NCAM2: variants seen among roughly 807,000 people sequenced by gnomAD.
NCAM2 encodes N-CAM-2.
A neutral mutation model predicts 98.1 loss-of-function variants in NCAM2; 30 were observed. The ratio of observed to expected loss-of-function variants is 0.31; its 90% CI spans 0.23 to 0.41. NCAM2 has a LOEUF of 0.41. NCAM2 is among the 10% of genes least tolerant of loss of function. The pLI is 1.00. For missense variants in NCAM2, 867 were observed against 1,005.8 expected (o/e 0.86, Z 1.87); for synonymous variants, 368 against 342.4 (o/e 1.07, Z -0.83).
At chr21:21,228,257 G>A (rs1195661397) in intron 1 of NCAM2, among the ~76,000 whole-genome samples, 1 of 151,450 alleles carries the variant, frequency 6.6e-6, no homozygotes, top group South Asian at 2.1e-4. Flanking sequence ...TGCTAGAGGG[G>A]CTGTCAGATT....
chr21:21,538,021 C>A lies in NCAM2; in HGVS notation c.*64C>A. ...TATTTGGATTGCGTGACCCTATGAC[C>A]AAAACTATTCCATTGACCTTAATTT... On this transcript the variant is annotated 3_prime_UTR_variant, in exon 18 of 18. Coordinates refer to ENST00000400546, the MANE Select transcript of NCAM2 (RefSeq NM_004540.5). 1 of 880,136 alleles carries A rather than the reference C, an allele frequency of 1.1e-6. No homozygotes were observed. Among genetic ancestry groups the A allele is most frequent in the Non-Finnish European group, 1.7e-6 (1 of 589,430 alleles). The allele number at this position is 880,136 out of a possible 1,614,324, so 54.5% of individuals were successfully genotyped here. A position where few individuals can be genotyped will look rare whatever the true frequency, so the allele number is the denominator to read the frequency against.
chr21:21,178,907 A>G (rs543629435), intron 1 of NCAM2, among the ~76,000 whole-genome samples: 71 of 152,218 alleles, frequency 4.7e-4, no homozygotes, highest in African/African-American at 1.7e-3. Context: ...ATATTTGCAT[A>G]GTACACGGTG....
chr21:21,521,733 CAAAT>C (rs1330871741), intron 16 of NCAM2, among the ~76,000 whole-genome samples: 2 of 151,606 alleles, frequency 1.3e-5, no homozygotes, highest in East Asian at 3.9e-4. Flanking sequence ...CTCAAACAAA[CAAAT>C]AAACTAACAA....
In NCAM2 at chr21:21,300,087, C is replaced by A. The variant is rs1266964995; in HGVS notation, c.619+7846C>A. On this transcript the variant is annotated intron_variant, in intron 5 of 17. Transcript: ENST00000400546. ...TTTTTAAAAATATTTTTGATCCCTG[C>A]TTCGTTGAGTCCTCAGATGCAGAAC... 2.0e-5 allele frequency among the ~76,000 whole-genome samples: 3 copies of A among 151,924 alleles called. No individual in the cohort carries two copies. The East Asian group carries it at 5.8e-4, about 30-fold the overall frequency.
chr21:21,531,120 A>T (rs1310911689), intron 16 of NCAM2, among the ~76,000 whole-genome samples: 1 of 152,020 alleles, frequency 6.6e-6, no homozygotes, highest in South Asian at 2.1e-4. Context: ...ACACACTTTC[A>T]TAGAGTTATT....
At position 20,998,483 on chromosome 21, in the gene NCAM2, G is replaced by A; in HGVS notation, c.-81G>A. On this transcript the variant is annotated 5_prime_UTR_variant, in exon 1 of 18. Transcript: ENST00000400546. ...AGCGGCGGCGGCGGCTCTAGCAGAG[G>A]CGGCCGGGGCAGCGAAAGGTTCTCT... 1.4e-6 allele frequency: 2 copies of A among 1,443,118 alleles called. No homozygotes were observed. The highest frequency in any genetic ancestry group is 1.9e-6 in the Non-Finnish European group (2 of 1,051,158). The allele number at this position is 1,443,118 out of a possible 1,614,324, so 89.4% of individuals were successfully genotyped here. A position where few individuals can be genotyped will look rare whatever the true frequency, so the allele number is the denominator to read the frequency against.
chr21:21,487,933 A>G (rs1986528342), intron 15 of NCAM2, among the ~76,000 whole-genome samples: 1 of 152,122 alleles, frequency 6.6e-6, no homozygotes, highest in Admixed American at 6.5e-5. Context: ...GGTCATTAGG[A>G]CGGACTAAGT....
At chr21:21,227,445 C>A (rs943978313) in intron 1 of NCAM2, among the ~76,000 whole-genome samples, 11 of 151,578 alleles carry the variant, frequency 7.3e-5, no homozygotes, top group African/African-American at 2.7e-4. Flanking sequence ...GTAGTCAAAA[C>A]CCCAAGGATC....
At chr21:21,463,771 T>C (rs1983312004) in intron 12 of NCAM2, 1 of 152,028 alleles carries the variant, frequency 6.6e-6, no homozygotes, top group African/African-American at 2.4e-5. Context: ...TGTGAAATGT[T>C]GAAGGAAGGG....
chr21:21,184,505 A>G (rs866406131), intron 1 of NCAM2, among the ~76,000 whole-genome samples: 4 of 152,002 alleles, frequency 2.6e-5, no homozygotes, highest in Admixed American at 2.0e-4. Context: ...GGCTCCCCTT[A>G]TAGATTAGGA....
At chr21:21,278,508 A>G (rs901424160) in intron 1 of NCAM2, among the ~76,000 whole-genome samples, 10 of 152,156 alleles carry the variant, frequency 6.6e-5, no homozygotes, top group South Asian at 2.1e-4. Context: ...CCTAAAATCT[A>G]TTTTTCCCTT....
chr21:21,131,282 G>C (rs13049692), intron 1 of NCAM2, among the ~76,000 whole-genome samples: 71,947 of 148,666 alleles, frequency 0.48, 19,235 homozygotes, highest in Non-Finnish European at 0.59. Flanking sequence ...ATTTTTCTGG[G>C]GGGGGGCTTT....
At chr21:21,494,786 A>G (rs1238026171) in intron 15 of NCAM2, among the ~76,000 whole-genome samples, 2 of 151,934 alleles carry the variant, frequency 1.3e-5, no homozygotes, top group Non-Finnish European at 2.9e-5. Flanking sequence ...ATGATTTTTC[A>G]TGGTTTACAG....
rs142865270 is a variant in NCAM2, at chr21:21,293,956, A to G, written c.619+1715A>G. 1.6e-3 allele frequency among the ~76,000 whole-genome samples: 243 copies of G among 151,690 alleles called. 1 individual carries two copies. The highest frequency in any genetic ancestry group is 5.2e-3 in the African/African-American group (217 of 41,480). On this transcript the variant is annotated intron_variant, in intron 5 of 17. Coordinates refer to ENST00000400546, the MANE Select transcript of NCAM2 (RefSeq NM_004540.5). ...ATAAGTATTTCCTATTATTGTTATTATATATACATATAATTACACTAAAAT... is the reference window on the plus strand; with the variant it reads ...ATAAGTATTTCCTATTATTGTTATTGTATATACATATAATTACACTAAAAT...
chr21:21,476,849 T>C (rs1262302661), intron 14 of NCAM2, among the ~76,000 whole-genome samples: 1 of 152,038 alleles, frequency 6.6e-6, no homozygotes, highest in Non-Finnish European at 1.5e-5. Context: ...TATTTCAAGA[T>C]ACTTTATCTT....
chr21:21,044,538 TAA>T (rs1435187170), intron 1 of NCAM2, among the ~76,000 whole-genome samples: 5 of 152,220 alleles, frequency 3.3e-5, no homozygotes, highest in African/African-American at 7.2e-5. Flanking sequence ...GCTTCATATT[TAA>T]AGTCTTTCTG....
intron 15 of NCAM2, among the ~76,000 whole-genome samples, chr21:21,503,671 A>C (rs371511566): frequency 6.6e-6 from 1 of 151,962 alleles, no homozygotes; most frequent in Non-Finnish European, 1.5e-5. Context: ...TTGGATTCTC[A>C]TACTTTAATA....
chr21:21,228,538 C>A (rs1269416346), intron 1 of NCAM2, among the ~76,000 whole-genome samples: 2 of 151,046 alleles, frequency 1.3e-5, no homozygotes, highest in Non-Finnish European at 3.0e-5. Context: ...AGTACCTCTT[C>A]ATGAATCATG....
chr21:21,499,688 T>A (rs561804642), intron 15 of NCAM2, among the ~76,000 whole-genome samples: 2 of 152,268 alleles, frequency 1.3e-5, no homozygotes, highest in South Asian at 4.1e-4. Flanking sequence ...GTTTTTAAAA[T>A]AATAGATTTA....
Sources: allele counts gnomAD v4.1 joint callset (sites outside exome capture counted in the v4.1 genomes callset), GRCh38; gene constraint gnomAD v4.1.1; transcripts MANE v1.5; gene names NCBI Gene and HGNC (gene_info 2026-07-23, HGNC 2026-07-21).